Variants in TIGAR observed in about 807,000 individuals in gnomAD.
TIGAR encodes fructose-2,6-bisphosphatase TIGAR.
A neutral mutation model predicts 17.9 loss-of-function variants in TIGAR; 7 were observed. The ratio of observed to expected loss-of-function variants is 0.39; its 90% CI spans 0.22 to 0.73. The LOEUF (loss-of-function observed/expected upper bound fraction) is 0.73, where lower values mean the gene tolerates loss of function less well. Among genes scored for constraint, TIGAR ranks in the 30% least tolerant of loss-of-function variants. The pLI, the probability that TIGAR is intolerant of heterozygous loss-of-function variation, is 0.42. For synonymous variants in TIGAR, 94 were observed against 108.6 expected, an observed-to-expected ratio of 0.87 and a Z score of 0.84; for missense variants, 258 against 327.4, an observed-to-expected ratio of 0.79 and a Z score of 1.64.
chr12:4,322,011 T>G (rs1310781820), intron 1 of TIGAR, among the ~76,000 whole-genome samples: 2 of 152,098 alleles, frequency 1.3e-5, no homozygotes, highest in African/African-American at 4.8e-5. Flanking sequence ...TTTTTTTTTT[T>G]GTGAGATGGA....
rs1311382801 is a variant in TIGAR at position 4,356,766 on chromosome 12, T to G, written c.*4075T>G. Among the ~76,000 whole-genome samples, 2 of 152,208 alleles carry G rather than the reference T, an allele frequency of 1.3e-5. No homozygotes were observed. The highest frequency in any genetic ancestry group is 4.8e-5 in the African/African-American group (2 of 41,454). ...TCTTTCCCACCTTGTCTTGCCTGTT[T>G]CTGTTAGGTTTAGTCCGAGGCCTAG... is the stretch of plus-strand genomic sequence containing the variant. On this transcript the variant is annotated 3_prime_UTR_variant, in exon 6 of 6. Coordinates refer to ENST00000179259, the MANE Select transcript of TIGAR (RefSeq NM_020375.3).
intron 2 of TIGAR, among the ~76,000 whole-genome samples, 182 bp downstream of exon 2, chr12:4,331,499 A>G (rs777724320): frequency 6.6e-6 from 1 of 152,332 alleles, no homozygotes; most frequent in Non-Finnish European, 1.5e-5. Context: ...GGAGGAATAA[A>G]TCTCTCAAGT....
At chr12:4,342,000 C>T (rs61309048) in intron 3 of TIGAR, among the ~76,000 whole-genome samples, 7,395 of 152,148 alleles carry the variant, frequency 0.049, 527 homozygotes, top group East Asian at 0.33. Context: ...AAAGATCAGA[C>T]GAATGGCTAA....
rs1405003319 is a variant in TIGAR at position 4,355,573 on chromosome 12, C to G, written c.*2882C>G. Among the ~76,000 whole-genome samples, 1 of 152,194 alleles carries G rather than the reference C, an allele frequency of 6.6e-6. No homozygotes were observed. The highest frequency in any genetic ancestry group is 2.4e-5 in the African/African-American group (1 of 41,446). ...AATTTTATTGGAGTCACATGCATCT[C>G]TTCATCTATTCAATACGTATTTTTT... On this transcript the variant is annotated 3_prime_UTR_variant, in exon 6 of 6. Transcript: ENST00000179259.
In TIGAR at chr12:4,321,222, T is replaced by C. The variant is rs764553796; in HGVS notation, c.-50T>C. 17 of 1,598,698 alleles carry C rather than the reference T, an allele frequency of 1.1e-5. No homozygotes were observed. Among genetic ancestry groups the C allele is most frequent in the Non-Finnish European group, 1.4e-5 (17 of 1,179,278 alleles). ...GTGGTGTGGGGGAGGTAGCCCGCAGTGCAGGGGCAGCGCGGCGCGGGGCCA... is the reference window on the plus strand; with the variant it reads ...GTGGTGTGGGGGAGGTAGCCCGCAGCGCAGGGGCAGCGCGGCGCGGGGCCA... On this transcript the variant is annotated 5_prime_UTR_variant, in exon 1 of 6. Coordinates refer to ENST00000179259, the MANE Select transcript of TIGAR (RefSeq NM_020375.3). This position sits in a 1 kb window ranked among gnomAD's most constrained non-coding sequence, Gnocchi z 5.2.
chr12:4,352,111 AC>A, intron 5 of TIGAR, 148 bp from the exon 6 acceptor site: 1 of 661,662 alleles, frequency 1.5e-6, no homozygotes, highest in Non-Finnish European at 2.5e-6. Flanking sequence ...TACTGATTGA[AC>A]GAATAGAAAT....
intron 1 of TIGAR, chr12:4,324,735 TCC>T (rs1360484529): frequency 5.2e-6 from 2 of 387,980 alleles, no homozygotes; most frequent in African/African-American, 2.4e-5. Context: ...ACACGTCCCG[TCC>T]CGCAGCTGGT....
Position 4,321,650 on chromosome 12 carries a change from G to A in TIGAR, c.32+347G>A, listed in dbSNP as rs1156352973. Among the ~76,000 whole-genome samples, 2 of 152,206 alleles carry A rather than the reference G, an allele frequency of 1.3e-5. No individual in the cohort carries two copies. The highest frequency in any genetic ancestry group is 4.8e-5 in the African/African-American group (2 of 41,466). On this transcript the variant is annotated intron_variant, in intron 1 of 5. Transcript: ENST00000179259. This position sits in a 1 kb window ranked among gnomAD's most constrained non-coding sequence, Gnocchi z 5.2. ...ACAGACTTGTCTGGGTACCGATTTT[G>A]CTCCCCAGCAGATTGCAAAGAGTTT... is the stretch of plus-strand genomic sequence containing the variant.
chr12:4,357,554 T>C lies in TIGAR; in HGVS notation c.*4863T>C, dbSNP rs1197565040. ...TCAATTTGGAAGTACAGCTTTCAGATTGAAGTATGTGTCAGTTCCTTTGTG... is the reference window on the plus strand; with the variant it reads ...TCAATTTGGAAGTACAGCTTTCAGACTGAAGTATGTGTCAGTTCCTTTGTG... On this transcript the variant is annotated 3_prime_UTR_variant, in exon 6 of 6. Transcript: ENST00000179259. Among the ~76,000 whole-genome samples the C allele has an allele frequency of 1.3e-5, 2 of 152,194 alleles. No homozygotes were observed. The highest frequency in any genetic ancestry group is 2.9e-5 in the Non-Finnish European group (2 of 68,022).
intron 1 of TIGAR, among the ~76,000 whole-genome samples, chr12:4,329,674 C>G (rs1421092230): frequency 2.6e-5 from 4 of 152,082 alleles, no homozygotes; most frequent in African/African-American, 9.7e-5. Flanking sequence ...TTCAGTTATT[C>G]CCAGTAATTG....
rs1203944894 is a variant in TIGAR, at chr12:4,356,299, C to T, written c.*3608C>T. On this transcript the variant is annotated 3_prime_UTR_variant, in exon 6 of 6. Coordinates refer to ENST00000179259, the MANE Select transcript of TIGAR (RefSeq NM_020375.3). Reference sequence around the variant, plus strand: ...GGTTAGCTTAGGATTTCTCATCCTCCCATCTGTGAATGTCATAGATCTCTC... The same window carrying T: ...GGTTAGCTTAGGATTTCTCATCCTCTCATCTGTGAATGTCATAGATCTCTC... Among the ~76,000 whole-genome samples the T allele has an allele frequency of 1.3e-5, 2 of 152,134 alleles. No individual in the cohort carries two copies. The highest frequency in any genetic ancestry group is 2.4e-5 in the African/African-American group (1 of 41,424).
At chr12:4,341,568 A>G (rs1264589601) in intron 3 of TIGAR, among the ~76,000 whole-genome samples, 1 of 152,158 alleles carries the variant, frequency 6.6e-6, no homozygotes, top group Non-Finnish European at 1.5e-5. Flanking sequence ...AGGCAGCAAC[A>G]TTTGCTGTTC....
chr12:4,328,773 C>T (rs1864573546), intron 1 of TIGAR, among the ~76,000 whole-genome samples: 1 of 151,198 alleles, frequency 6.6e-6, no homozygotes, highest in African/African-American at 2.4e-5. Context: ...GACGGAGTTT[C>T]ACCTTGTTGG....
intron 1 of TIGAR, among the ~76,000 whole-genome samples, chr12:4,326,022 C>T (rs1379394175): frequency 6.6e-6 from 1 of 152,118 alleles, no homozygotes; most frequent in African/African-American, 2.4e-5. Context: ...AATGCTGCAG[C>T]GTATAAATCC....
chr12:4,339,353 A>G (rs890139983), intron 3 of TIGAR, among the ~76,000 whole-genome samples: 3 of 152,208 alleles, frequency 2.0e-5, no homozygotes, highest in Non-Finnish European at 4.4e-5. Flanking sequence ...TGAACCAGGA[A>G]GAAATCCAAA....
At chr12:4,350,309 A>G (rs1177059498) in intron 4 of TIGAR, among the ~76,000 whole-genome samples, 2 of 152,250 alleles carry the variant, frequency 1.3e-5, no homozygotes, top group Non-Finnish European at 2.9e-5. Context: ...CTAGAAATGG[A>G]CATCGGCGAG....
At chr12:4,342,635 TA>T (rs1291728845) in intron 3 of TIGAR, among the ~76,000 whole-genome samples, 5 of 152,116 alleles carry the variant, frequency 3.3e-5, no homozygotes, top group Non-Finnish European at 2.9e-5. Context: ...CCAGCCAAAC[TA>T]AGCTTCATAA....
rs1331860578 is a variant in TIGAR at position 4,357,912 on chromosome 12, G to A, written c.*5221G>A. 2.0e-5 allele frequency among the ~76,000 whole-genome samples: 3 copies of A among 150,900 alleles called. No homozygotes were observed. Among genetic ancestry groups the A allele is most frequent in the East Asian group, 3.9e-4 (2 of 5,064 alleles). ...AGGTCAGGAGATAGAGACCATCCTG[G>A]CTAACACAGTGAAACCTCGTCTCCA... On this transcript the variant is annotated 3_prime_UTR_variant, in exon 6 of 6. Transcript: ENST00000179259.
In TIGAR at chr12:4,359,569, A is replaced by G. The variant is rs1420931726; in HGVS notation, c.*6878A>G. On this transcript the variant is annotated 3_prime_UTR_variant, in exon 6 of 6. Coordinates refer to ENST00000179259, the MANE Select transcript of TIGAR (RefSeq NM_020375.3). ...AAAAAAATTACTGCATTGAATTCCA[A>G]TGCATAGATACACAACAGTTTGTTT... 6.6e-6 allele frequency among the ~76,000 whole-genome samples: 1 copy of G among 152,124 alleles called. No homozygotes were observed. The highest frequency in any genetic ancestry group is 3.2e-3 in the Middle Eastern group (1 of 316).
Sources: gnomAD v4.1 joint callset for allele counts (sites outside exome capture counted in the v4.1 genomes callset) on GRCh38, gnomAD v4.1.1 for gene constraint, Gnocchi (gnomAD v3.1) non-coding constraint, MANE v1.5 for transcripts, NCBI Gene and HGNC (gene_info 2026-07-23, HGNC 2026-07-21) for gene names.